MPP7: variants seen among roughly 807,000 people sequenced by gnomAD.
MPP7 encodes MAGUK p55 subfamily member 7.
Under a neutral mutation model 76.5 loss-of-function variants are expected in MPP7, and 60 were observed. That is an observed-to-expected ratio of 0.78 (90% CI 0.64 to 0.97). MPP7 has a LOEUF of 0.97. Ranked by LOEUF, MPP7 falls within the 50% of genes least tolerant of loss-of-function variation. The pLI is 0.00. For missense variants in MPP7, 641 were observed against 694.0 expected, an observed-to-expected ratio of 0.92 and a Z score of 0.86; for synonymous variants, 237 against 244.5, an observed-to-expected ratio of 0.97 and a Z score of 0.29.
At chr10:28,333,357 C>A (rs1033916013) in intron 1 of MPP7, among the ~76,000 whole-genome samples, 2 of 152,146 alleles carry the variant, frequency 1.3e-5, no homozygotes, top group Admixed American at 6.5e-5. Flanking sequence ...TTTGGCCAGG[C>A]TGGTCTCGAA....
At chr10:28,287,135 G>C (rs1840807175) in intron 1 of MPP7, among the ~76,000 whole-genome samples, 1 of 152,010 alleles carries the variant, frequency 6.6e-6, no homozygotes, top group Non-Finnish European at 1.5e-5. Flanking sequence ...CGCAAAATTA[G>C]CCTGTTGCTT....
intron 2 of MPP7, among the ~76,000 whole-genome samples, chr10:28,326,371 A>G (rs1283933648): frequency 1.3e-5 from 2 of 151,752 alleles, no homozygotes; most frequent in Non-Finnish European, 2.9e-5. Context: ...CTTGCTACCA[A>G]TTGTAAATGT....
rs1048584923 is a variant in MPP7 at position 28,090,091 on chromosome 10, G to A, written c.953-250C>T. Among the ~76,000 whole-genome samples the A allele has an allele frequency of 2.6e-5, 4 of 152,222 alleles. No homozygotes were observed. In the South Asian group the frequency reaches 8.3e-4, roughly 32 times the overall value. ...TCCTCCCACCTCAGGCTCCCAGGCA[G>A]GTGGGATTACAGGCACACATCACCA... is the stretch of plus-strand genomic sequence containing the variant. On this transcript the variant is annotated intron_variant, in intron 11 of 16. Coordinates refer to ENST00000683449, the MANE Select transcript of MPP7 (RefSeq NM_001318170.2).
At chr10:28,106,666 T>C (rs1269804912) in intron 11 of MPP7, among the ~76,000 whole-genome samples, 1 of 152,196 alleles carries the variant, frequency 6.6e-6, no homozygotes, top group East Asian at 1.9e-4. Context: ...ATGATCATAT[T>C]ATCCTCTCTC....
intron 11 of MPP7, among the ~76,000 whole-genome samples, chr10:28,104,621 T>C (rs1435254679): frequency 2.6e-5 from 4 of 152,250 alleles, no homozygotes; most frequent in African/African-American, 9.6e-5. Context: ...CAAACTTGCT[T>C]ATTCTACAAA....
At chr10:28,111,340 C>T (rs1463281271) in intron 11 of MPP7, among the ~76,000 whole-genome samples, 1 of 152,170 alleles carries the variant, frequency 6.6e-6, no homozygotes, top group African/African-American at 2.4e-5. Flanking sequence ...ACATTTTAGG[C>T]TGCACTGCAG....
At chr10:28,240,254 A>G (rs542567794) in intron 1 of MPP7, among the ~76,000 whole-genome samples, 7 of 152,314 alleles carry the variant, frequency 4.6e-5, no homozygotes, top group Non-Finnish European at 1.0e-4. Context: ...GAAACACTGG[A>G]AAGACTGGTT....
chr10:28,145,690 T>G (rs147224017), intron 5 of MPP7, among the ~76,000 whole-genome samples: 1,588 of 152,302 alleles, frequency 0.01, 28 homozygotes, highest in African/African-American at 0.036. Flanking sequence ...CAAAACATCA[T>G]GTATCCTGGA....
At chr10:28,286,919 C>T (rs986142554) in intron 1 of MPP7, among the ~76,000 whole-genome samples, 2 of 152,182 alleles carry the variant, frequency 1.3e-5, no homozygotes, top group Non-Finnish European at 1.5e-5. Flanking sequence ...TTTTAATATT[C>T]TTTGTGCTGA....
intron 15 of MPP7, chr10:28,057,992 CAG>C (rs1851630259): frequency 1.2e-5 from 7 of 597,496 alleles, no homozygotes; most frequent in Non-Finnish European, 1.7e-5. Context: ...GCAGACATGG[CAG>C]TTGCAATGGG....
intron 3 of MPP7, among the ~76,000 whole-genome samples, chr10:28,158,102 T>C (rs978676110): frequency 6.6e-6 from 1 of 152,166 alleles, no homozygotes; most frequent in African/African-American, 2.4e-5. Context: ...TCCTGCACAG[T>C]TGGTAACACC....
At chr10:28,299,960 GGTTTCACCGTGTT>G (rs2133152831) in intron 1 of MPP7, among the ~76,000 whole-genome samples, 1 of 151,944 alleles carries the variant, frequency 6.6e-6, no homozygotes, top group East Asian at 1.9e-4. Flanking sequence ...GTAGAGACAG[GGTTTCACCGTGTT>G]AGCCAGGATG....
intron 12 of MPP7, among the ~76,000 whole-genome samples, chr10:28,081,979 T>C (rs1337298641): frequency 6.6e-6 from 1 of 152,168 alleles, no homozygotes; most frequent in East Asian, 1.9e-4. Flanking sequence ...CTTGAATTCC[T>C]GACCTCAGGT....
chr10:28,201,462 T>C (rs1837768513), intron 3 of MPP7, among the ~76,000 whole-genome samples: 1 of 152,040 alleles, frequency 6.6e-6, no homozygotes, highest in Admixed American at 6.5e-5. Context: ...TGAGAGAAAA[T>C]GCAATTCATA....
chr10:28,330,990 A>T (rs555784230), intron 1 of MPP7, among the ~76,000 whole-genome samples: 1 of 152,142 alleles, frequency 6.6e-6, no homozygotes, highest in Non-Finnish European at 1.5e-5. Context: ...TTAACACAGT[A>T]CCGTATTCAT....
chr10:28,088,470 C>A (rs960403751), intron 12 of MPP7, among the ~76,000 whole-genome samples: 1 of 152,156 alleles, frequency 6.6e-6, no homozygotes, highest in Non-Finnish European at 1.5e-5. Context: ...CTCTCCCCTG[C>A]TGCCATGTGA....
At chr10:28,079,603 T>C (rs1186321614) in intron 12 of MPP7, among the ~76,000 whole-genome samples, 1 of 152,222 alleles carries the variant, frequency 6.6e-6, no homozygotes, top group African/African-American at 2.4e-5. Context: ...ACTGAAAGAA[T>C]GATTTGAAAT....
At chr10:28,321,006 G>A (rs1027437686) in intron 2 of MPP7, among the ~76,000 whole-genome samples, 1 of 152,090 alleles carries the variant, frequency 6.6e-6, no homozygotes, top group African/African-American at 2.4e-5. Flanking sequence ...CTCTGACAAT[G>A]CGCGGTGCTT....
chr10:28,310,020 T>TTTTTTAA (rs57172078), intron 2 of MPP7, among the ~76,000 whole-genome samples: 1 of 144,190 alleles, frequency 6.9e-6, no homozygotes, highest in Admixed American at 6.9e-5. Flanking sequence ...TTTTTTTTTT[T>TTTTTTAA]AAACGGAGTC....
Sources: allele counts gnomAD v4.1 joint callset (sites outside exome capture counted in the v4.1 genomes callset), GRCh38; gene constraint gnomAD v4.1.1; transcripts MANE v1.5; gene names NCBI Gene and HGNC (gene_info 2026-07-23, HGNC 2026-07-21).